Variants in SORCS1 observed in about 807,000 individuals in gnomAD.
SORCS1 encodes sortilin related VPS10 domain containing receptor 1.
SORCS1 carries 60 observed loss-of-function variants against 146.1 expected under a neutral mutation model. The ratio of observed to expected loss-of-function variants is 0.41; its 90% CI spans 0.33 to 0.51. The LOEUF is 0.51. SORCS1 is among the 20% of genes least tolerant of loss of function. SORCS1 has a pLI of 0.21. For missense variants in SORCS1, 1,352 were observed against 1,487.6 expected, an observed-to-expected ratio of 0.91 and a Z score of 1.50; for synonymous variants, 637 against 584.0, an observed-to-expected ratio of 1.09 and a Z score of -1.31.
intron 1 of SORCS1, among the ~76,000 whole-genome samples, chr10:107,068,573 C>G (rs544891994): frequency 6.7e-4 from 102 of 152,226 alleles, no homozygotes; most frequent in Non-Finnish European, 1.2e-3. Flanking sequence ...TTTCAGAAAG[C>G]TCACCATGAA....
At chr10:107,051,509 C>A (rs977129141) in intron 1 of SORCS1, among the ~76,000 whole-genome samples, 1 of 152,116 alleles carries the variant, frequency 6.6e-6, no homozygotes, top group African/African-American at 2.4e-5. Flanking sequence ...AAAGTTTAGA[C>A]AGTTTCTCCA....
intron 17 of SORCS1, among the ~76,000 whole-genome samples, chr10:106,656,860 A>G (rs1850334078): frequency 6.6e-6 from 1 of 152,162 alleles, no homozygotes; most frequent in Non-Finnish European, 1.5e-5. Context: ...AATTATGGGG[A>G]TCAGTTTGTT....
chr10:106,626,141 G>A (rs766468616), intron 19 of SORCS1, among the ~76,000 whole-genome samples: 1 of 152,080 alleles, frequency 6.6e-6, no homozygotes, highest in Non-Finnish European at 1.5e-5. Context: ...TTCTGCACTG[G>A]AGAGTGGTCG....
chr10:107,017,461 A>G (rs1476067071), intron 1 of SORCS1, among the ~76,000 whole-genome samples: 5 of 152,180 alleles, frequency 3.3e-5, no homozygotes, highest in Admixed American at 1.3e-4. Flanking sequence ...GGCAACAACA[A>G]TCTACGGAGT....
At chr10:107,108,708 C>T (rs1218743963) in intron 1 of SORCS1, among the ~76,000 whole-genome samples, 1 of 152,146 alleles carries the variant, frequency 6.6e-6, no homozygotes, top group East Asian at 1.9e-4. Context: ...GCCTTCACAA[C>T]AGTCCCCCCG....
At chr10:106,675,203 A>C (rs1287449746) in intron 13 of SORCS1, 47 bp from the exon 14 acceptor site, 1 of 1,413,630 alleles carries the variant, frequency 7.1e-7, no homozygotes, top group Admixed American at 1.8e-5. Flanking sequence ...AAGGAAAAAA[A>C]AATGTCATTT....
chr10:106,653,032 A>G (rs1029327319), intron 17 of SORCS1, among the ~76,000 whole-genome samples: 11 of 152,234 alleles, frequency 7.2e-5, no homozygotes, highest in Non-Finnish European at 1.6e-4. Flanking sequence ...AGAGACTGCT[A>G]CAGTAATGGT....
chr10:106,775,696 C>T (rs1860379694), intron 4 of SORCS1, among the ~76,000 whole-genome samples: 2 of 152,206 alleles, frequency 1.3e-5, no homozygotes, highest in South Asian at 4.1e-4. Context: ...TAATGCATTT[C>T]ACAAGGAGTA....
rs1444002822 is a variant in SORCS1 at position 107,130,892 on chromosome 10, T to C, written c.558+33077A>G. Among the ~76,000 whole-genome samples, 3 of 152,180 alleles carry C rather than the reference T, an allele frequency of 2.0e-5. No homozygotes were observed. In the East Asian group the frequency reaches 5.8e-4, roughly 29 times the overall value. ...CCATCACCACCATCTATTTCCAGAA[T>C]GTTTCCATCATCCCCAAACAGAAAC... On this transcript the variant is annotated intron_variant, in intron 1 of 25. Coordinates refer to ENST00000263054, the MANE Select transcript of SORCS1 (RefSeq NM_052918.5).
At chr10:106,978,168 C>T (rs539780551) in intron 1 of SORCS1, among the ~76,000 whole-genome samples, 2 of 152,234 alleles carry the variant, frequency 1.3e-5, no homozygotes, top group South Asian at 4.1e-4. Flanking sequence ...TAGTCGCGAA[C>T]CCCTGACCTC....
chr10:107,109,046 T>C (rs956868875), intron 1 of SORCS1, among the ~76,000 whole-genome samples: 1 of 152,224 alleles, frequency 6.6e-6, no homozygotes, highest in East Asian at 1.9e-4. Flanking sequence ...CCTGGGCAGC[T>C]CTACCCTTGT....
chr10:106,640,508 C>T (rs1849006999), intron 18 of SORCS1, among the ~76,000 whole-genome samples: 1 of 152,226 alleles, frequency 6.6e-6, no homozygotes, highest in Non-Finnish European at 1.5e-5. Context: ...AATTGCATCT[C>T]TTTATTCTTA....
At chr10:106,918,355 G>A (rs370662146) in intron 2 of SORCS1, among the ~76,000 whole-genome samples, 2 of 152,090 alleles carry the variant, frequency 1.3e-5, no homozygotes, top group East Asian at 3.9e-4. Context: ...AGTAGAGATG[G>A]TGTTTCACCA....
chr10:106,995,637 G>A (rs980812210), intron 1 of SORCS1, among the ~76,000 whole-genome samples: 5 of 152,048 alleles, frequency 3.3e-5, no homozygotes, highest in African/African-American at 1.2e-4. Context: ...GCATCAAATT[G>A]CTCTTTTCTT....
At chr10:106,910,283 T>TTG (rs141789814) in intron 2 of SORCS1, among the ~76,000 whole-genome samples, 57,569 of 145,848 alleles carry the variant, frequency 0.39, 12,509 homozygotes, top group Middle Eastern at 0.53. Flanking sequence ...TCTCTTTACA[T>TTG]TGTGTGTGTG....
At chr10:106,998,057 TAGA>T (rs1214586805) in intron 1 of SORCS1, among the ~76,000 whole-genome samples, 15 of 152,216 alleles carry the variant, frequency 9.9e-5, no homozygotes, top group African/African-American at 2.9e-4. Context: ...GCCTTGCAAA[TAGA>T]AGAAGAGAAG....
intron 2 of SORCS1, among the ~76,000 whole-genome samples, chr10:106,935,514 T>A (rs1296805864): frequency 6.6e-6 from 1 of 152,154 alleles, no homozygotes; most frequent in Non-Finnish European, 1.5e-5. Flanking sequence ...TTAAAAAAAA[T>A]TCCTAGAAGA....
At chr10:106,977,617 C>CTTTTTG (rs1956085182) in intron 1 of SORCS1, among the ~76,000 whole-genome samples, 1 of 142,500 alleles carries the variant, frequency 7.0e-6, no homozygotes, top group African/African-American at 2.7e-5. Context: ...AATTTGTTCC[C>CTTTTTG]GCTGAATTTT....
chr10:107,123,520 G>A (rs1239089994), intron 1 of SORCS1, among the ~76,000 whole-genome samples: 1 of 152,154 alleles, frequency 6.6e-6, no homozygotes, highest in African/African-American at 2.4e-5. Context: ...ACAATAAATA[G>A]AATGTATCAT....
Sources: gnomAD v4.1 joint callset for allele counts (sites outside exome capture counted in the v4.1 genomes callset) on GRCh38, gnomAD v4.1.1 for gene constraint, MANE v1.5 for transcripts, NCBI Gene and HGNC (gene_info 2026-07-23, HGNC 2026-07-21) for gene names.